The following FAM171A1 variants were observed in gnomAD, a reference collection of about 807,000 sequenced individuals.
FAM171A1 encodes the protein family with sequence similarity 171 member A1, also known as protein FAM171A1.
FAM171A1 carries 23 observed loss-of-function variants against 74.9 expected under a neutral mutation model. The ratio of observed to expected loss-of-function variants is 0.31; its 90% CI spans 0.22 to 0.44. The LOEUF is 0.44. Ranked by LOEUF, FAM171A1 falls within the 20% of genes least tolerant of loss-of-function variation. The pLI is 1.00. For missense variants in FAM171A1, 1,162 were observed against 1,159.2 expected, an observed-to-expected ratio of 1.00 and a Z score of -0.03; for synonymous variants, 527 against 505.7, an observed-to-expected ratio of 1.04 and a Z score of -0.57.
chr10:15,357,717 G>C (rs1466072664), intron 1 of FAM171A1, among the ~76,000 whole-genome samples: 1 of 152,154 alleles, frequency 6.6e-6, no homozygotes, highest in Non-Finnish European at 1.5e-5. Flanking sequence ...CACTTTAAAA[G>C]GCACAGAATA....
intron 2 of FAM171A1, 70 bp from the exon 3 acceptor site, chr10:15,276,017 G>C: frequency 1.8e-6 from 2 of 1,082,810 alleles, no homozygotes; most frequent in African/African-American, 1.6e-5. Flanking sequence ...TAATTTTTGG[G>C]ATACTCTGCA....
At chr10:15,370,709 C>A (rs1018078755) in intron 1 of FAM171A1, among the ~76,000 whole-genome samples, 2 of 150,786 alleles carry the variant, frequency 1.3e-5, no homozygotes, top group African/African-American at 4.9e-5. Flanking sequence ...GCTGCCCGCG[C>A]CCCCGCCCGA....
At position 15,272,307 on chromosome 10, in the gene FAM171A1, T is replaced by C. The variant is rs958183240; in HGVS notation, c.418+3548A>G. 2.3e-4 allele frequency among the ~76,000 whole-genome samples: 35 copies of C among 152,244 alleles called. 1 individual carries two copies. Among genetic ancestry groups the C allele is most frequent in the African/African-American group, 7.5e-4 (31 of 41,532 alleles). On this transcript the variant is annotated intron_variant, in intron 3 of 7. Coordinates refer to ENST00000378116, the MANE Select transcript of FAM171A1 (RefSeq NM_001010924.2). The stretch of plus-strand genomic sequence containing the variant: ...AAAAGAGACAAAGAAGGCCATTACA[T>C]AATGGTAAAGGGATCAATTCAACAA...
chr10:15,323,605 T>C (rs1309284093), intron 1 of FAM171A1, among the ~76,000 whole-genome samples: 3 of 152,222 alleles, frequency 2.0e-5, no homozygotes, highest in Non-Finnish European at 4.4e-5. Flanking sequence ...ATGGACTTGG[T>C]GGGCATATAG....
chr10:15,283,728 G>C (rs1426964986), intron 2 of FAM171A1, 150 bp downstream of exon 2: 1 of 715,180 alleles, frequency 1.4e-6, no homozygotes, highest in African/African-American at 1.8e-5. Context: ...GGGACTACAG[G>C]TGCACACTAT....
At chr10:15,285,141 A>C (rs541308017) in intron 1 of FAM171A1, among the ~76,000 whole-genome samples, 1 of 152,314 alleles carries the variant, frequency 6.6e-6, no homozygotes, top group African/African-American at 2.4e-5. Context: ...GCTACAGTGA[A>C]GGAGAGGATG....
At chr10:15,300,642 T>C (rs977560925) in intron 1 of FAM171A1, among the ~76,000 whole-genome samples, 2 of 87,126 alleles carry the variant, frequency 2.3e-5, no homozygotes, top group African/African-American at 4.8e-5. Context: ...TAGAAAAAGA[T>C]AGTATGCTAT....
At chr10:15,281,150 T>C (rs1266699745) in intron 2 of FAM171A1, among the ~76,000 whole-genome samples, 1 of 152,182 alleles carries the variant, frequency 6.6e-6, no homozygotes, top group Admixed American at 6.5e-5. Context: ...GTTCTGGCCA[T>C]GTGAAATGTC....
intron 1 of FAM171A1, among the ~76,000 whole-genome samples, chr10:15,302,731 G>A (rs1348568822): frequency 6.6e-6 from 1 of 152,140 alleles, no homozygotes; most frequent in Non-Finnish European, 1.5e-5. Context: ...GAATTAAAGT[G>A]ATATGCTAAT....
chr10:15,213,057 G>T lies in FAM171A1; in HGVS notation c.2531C>A (p.Ser844Ter). ...ETTRRTADAPSEPAASPHQRR... is the reference protein window; with the variant it reads ...ETTRRTADAP ...CTGGTGGGGGCTGGCTGCTGGCTCC[G>T]AGGGGGCATCCGCAGTCCGTCTGGT... Residue 844 changes from serine (S) to a stop codon, truncating the protein, a stop_gained, in exon 8 of 8, where the codon TCG becomes TAG. Transcript: ENST00000378116. LOFTEE classifies it high-confidence loss of function. The surrounding 1 kb of genome is among the most constrained non-coding windows in gnomAD (Gnocchi z 6.8). The T allele has an allele frequency of 6.2e-7, 1 of 1,613,696 alleles. No individual in the cohort carries two copies. Among genetic ancestry groups the T allele is most frequent in the Non-Finnish European group, 8.5e-7 (1 of 1,179,882 alleles).
At chr10:15,356,055 T>G (rs1262274647) in intron 1 of FAM171A1, among the ~76,000 whole-genome samples, 1 of 152,072 alleles carries the variant, frequency 6.6e-6, no homozygotes, top group Non-Finnish European at 1.5e-5. Context: ...AATATAAGTT[T>G]GGATTAAGAC....
At position 15,263,827 on chromosome 10, in the gene FAM171A1, CATCT is replaced by C. The variant is rs1018393917; in HGVS notation, c.419-8952_419-8949del. On this transcript the variant is annotated intron_variant, in intron 3 of 7. Transcript: ENST00000378116. ...TCTATTAATCATCTATCTAATCTAT[CATCT>C]ATCTATACATTTATCTCATCTATCT... Among the ~76,000 whole-genome samples the C allele has an allele frequency of 9.9e-5, 15 of 151,634 alleles. No individual in the cohort carries two copies. In the East Asian group the frequency reaches 1.2e-3, roughly 12 times the overall value.
chr10:15,254,050 A>T (rs1202797292), intron 4 of FAM171A1, among the ~76,000 whole-genome samples: 1 of 152,202 alleles, frequency 6.6e-6, no homozygotes, highest in East Asian at 1.9e-4. Context: ...CTGCCAGGAG[A>T]GGGCGGATTC....
At chr10:15,277,512 A>G (rs924711861) in intron 2 of FAM171A1, among the ~76,000 whole-genome samples, 2 of 152,022 alleles carry the variant, frequency 1.3e-5, no homozygotes, top group African/African-American at 4.8e-5. Context: ...GCATCAGCCA[A>G]CGTACCTGGC....
At chr10:15,297,530 T>C (rs1835175612) in intron 1 of FAM171A1, among the ~76,000 whole-genome samples, 1 of 152,150 alleles carries the variant, frequency 6.6e-6, no homozygotes, top group Non-Finnish European at 1.5e-5. Flanking sequence ...TGTATGAGGA[T>C]CAAATTGATG....
intron 4 of FAM171A1, among the ~76,000 whole-genome samples, chr10:15,252,306 C>T (rs1411734315): frequency 2.0e-5 from 3 of 152,150 alleles, no homozygotes; most frequent in Non-Finnish European, 2.9e-5. Flanking sequence ...CATGGTACCC[C>T]CAGAAAACAG....
chr10:15,330,552 T>C (rs184233159), intron 1 of FAM171A1, among the ~76,000 whole-genome samples: 10 of 152,212 alleles, frequency 6.6e-5, no homozygotes, highest in Non-Finnish European at 1.2e-4. Context: ...TAATAATAAG[T>C]GTTGTGCAAC....
rs117274065 is a variant in FAM171A1, at chr10:15,228,850, C to T, written c.755-7790G>A. Among the ~76,000 whole-genome samples the T allele has an allele frequency of 1.2e-3, 182 of 152,314 alleles. 3 individuals carry two copies. In the East Asian group the frequency reaches 0.014, roughly 12 times the overall value. The stretch of plus-strand genomic sequence containing the variant: ...AGGATGACACAGAAGAGGAGCTGAA[C>T]GTCCCTGTGACATCACTGAACCACT... On this transcript the variant is annotated intron_variant, in intron 5 of 7. Coordinates refer to ENST00000378116, the MANE Select transcript of FAM171A1 (RefSeq NM_001010924.2).
chr10:15,240,714 T>A lies in FAM171A1; in HGVS notation c.754+7925A>T, dbSNP rs992154139. ...AGGATTAAAGTGTGTGAGTTAGAGT[T>A]AAAACATGGATATACTGAGTTAGTG... is the stretch of plus-strand genomic sequence containing the variant. On this transcript the variant is annotated intron_variant, in intron 5 of 7. Coordinates refer to ENST00000378116, the MANE Select transcript of FAM171A1 (RefSeq NM_001010924.2). The A allele has an allele frequency of 4.1e-6, 4 of 985,134 alleles. No individual in the cohort carries two copies. In the African/African-American group the frequency reaches 7.0e-5, roughly 17 times the overall value. 61.0% of individuals were successfully genotyped at this position (985,134 alleles called of 1,614,324 possible). A position where few individuals can be genotyped will look rare whatever the true frequency, so the allele number is the denominator to read the frequency against.
Sources: allele counts gnomAD v4.1 joint callset (sites outside exome capture counted in the v4.1 genomes callset), GRCh38; gene constraint gnomAD v4.1.1; non-coding constraint Gnocchi (gnomAD v3.1); transcripts MANE v1.5; gene names NCBI Gene and HGNC (gene_info 2026-07-23, HGNC 2026-07-21).